ROBO1: variants seen among roughly 807,000 people sequenced by gnomAD.
ROBO1 encodes the protein roundabout guidance receptor 1, also known as roundabout homolog 1.
A neutral mutation model predicts 195.9 loss-of-function variants in ROBO1; 149 were observed. The observed-to-expected ratio is 0.76, with a 90% CI of 0.67 to 0.87. The LOEUF is 0.87. Ranked by LOEUF, ROBO1 falls within the 40% of genes least tolerant of loss-of-function variation. ROBO1 has a pLI of 0.00. For synonymous variants in ROBO1, 816 were observed against 733.2 expected, an observed-to-expected ratio of 1.11 and a Z score of -1.82; for missense variants, 1,933 against 2,068.3, an observed-to-expected ratio of 0.93 and a Z score of 1.27.
chr3:79,608,387 A>C (rs991094251), intron 1 of ROBO1, among the ~76,000 whole-genome samples: 13 of 151,850 alleles, frequency 8.6e-5, no homozygotes, highest in African/African-American at 2.2e-4. Flanking sequence ...GTTCTGTACT[A>C]TCTCTCTCTC....
At chr3:78,717,216 T>G in intron 7 of ROBO1, 59 bp downstream of exon 7, 1 of 1,495,372 alleles carries the variant, frequency 6.7e-7, no homozygotes, top group African/African-American at 1.4e-5. Context: ...GGAGATGATG[T>G]GATGAGAAAC....
intron 2 of ROBO1, among the ~76,000 whole-genome samples, chr3:79,161,631 C>T (rs1391549087): frequency 6.6e-6 from 1 of 152,110 alleles, no homozygotes; most frequent in Non-Finnish European, 1.5e-5. Flanking sequence ...TTGCATTTCA[C>T]ATTTACACCA....
chr3:78,898,885 A>G (rs919477943), intron 4 of ROBO1, among the ~76,000 whole-genome samples: 1 of 152,030 alleles, frequency 6.6e-6, no homozygotes. Flanking sequence ...TTAGTTTGTA[A>G]ACAGAATGAA....
intron 1 of ROBO1, among the ~76,000 whole-genome samples, chr3:79,742,268 A>G (rs1037132104): frequency 2.6e-5 from 4 of 152,204 alleles, no homozygotes; most frequent in African/African-American, 9.6e-5. Flanking sequence ...CCCTCCTGTT[A>G]CAGGCATGGG....
chr3:79,660,277 G>T (rs915384628), intron 1 of ROBO1, among the ~76,000 whole-genome samples: 1 of 151,426 alleles, frequency 6.6e-6, no homozygotes, highest in Non-Finnish European at 1.5e-5. Context: ...TGGAAGTCAC[G>T]ACTAAAATGC....
intron 2 of ROBO1, among the ~76,000 whole-genome samples, chr3:79,324,701 C>T (rs572684854): frequency 6.6e-6 from 1 of 152,248 alleles, no homozygotes; most frequent in African/African-American, 2.4e-5. Flanking sequence ...CAAGAGAGAA[C>T]AGACCAGGTT....
intron 2 of ROBO1, among the ~76,000 whole-genome samples, chr3:79,177,118 AT>A (rs2081272866): frequency 6.6e-6 from 1 of 152,114 alleles, no homozygotes; most frequent in Non-Finnish European, 1.5e-5. Context: ...TTTTTTTAAA[AT>A]TTTTCATTTC....
At chr3:78,826,053 C>G (rs955956024) in intron 4 of ROBO1, among the ~76,000 whole-genome samples, 1 of 152,120 alleles carries the variant, frequency 6.6e-6, no homozygotes, top group Non-Finnish European at 1.5e-5. Flanking sequence ...GGCCACAGAG[C>G]TATAGCATAT....
intron 2 of ROBO1, among the ~76,000 whole-genome samples, chr3:79,433,805 T>C (rs1575820038): frequency 6.6e-6 from 1 of 152,158 alleles, no homozygotes; most frequent in East Asian, 1.9e-4. Context: ...CAAACTATAC[T>C]ACAAGGCTAC....
At chr3:79,008,599 A>AT (rs568148350) in intron 3 of ROBO1, among the ~76,000 whole-genome samples, 3,055 of 148,348 alleles carry the variant, frequency 0.021, 64 homozygotes, top group South Asian at 0.044. Context: ...GTATACGTGC[A>AT]TTTTTTTTTT....
intron 4 of ROBO1, among the ~76,000 whole-genome samples, chr3:78,805,368 AG>A (rs1017808339): frequency 1.1e-4 from 16 of 152,140 alleles, no homozygotes; most frequent in African/African-American, 3.9e-4. Flanking sequence ...CACATGAGAA[AG>A]TCACTAAAAA....
intron 1 of ROBO1, among the ~76,000 whole-genome samples, chr3:79,675,691 A>G (rs1026695110): frequency 6.6e-6 from 1 of 152,082 alleles, no homozygotes; most frequent in African/African-American, 2.4e-5. Flanking sequence ...AAAATGGGGG[A>G]AAAACAGGTT....
chr3:79,006,321 C>G (rs1460456424), intron 3 of ROBO1, among the ~76,000 whole-genome samples: 1 of 151,954 alleles, frequency 6.6e-6, no homozygotes, highest in Non-Finnish European at 1.5e-5. Flanking sequence ...AACTAGTAAC[C>G]ATACAAAGAA....
chr3:78,669,821 C>A (rs548690293), intron 11 of ROBO1, among the ~76,000 whole-genome samples: 3 of 152,326 alleles, frequency 2.0e-5, no homozygotes, highest in South Asian at 2.1e-4. Context: ...TATTCTCTCA[C>A]AAACCCTCAT....
chr3:79,551,423 T>C (rs1942508164), intron 2 of ROBO1, among the ~76,000 whole-genome samples: 1 of 151,876 alleles, frequency 6.6e-6, no homozygotes, highest in African/African-American at 2.4e-5. Context: ...ATATATTTAC[T>C]TTACAGTTAA....
intron 2 of ROBO1, among the ~76,000 whole-genome samples, chr3:79,282,252 T>C (rs1308713998): frequency 6.6e-6 from 1 of 152,140 alleles, no homozygotes; most frequent in Non-Finnish European, 1.5e-5. Flanking sequence ...AAGAACAGTG[T>C]AAAGGACATT....
At chr3:79,211,291 T>G (rs946380081) in intron 2 of ROBO1, among the ~76,000 whole-genome samples, 2 of 152,272 alleles carry the variant, frequency 1.3e-5, no homozygotes, top group Admixed American at 1.3e-4. Context: ...GTTTTTAGAC[T>G]TGAATATATA....
rs1230566914 is a variant in ROBO1 at position 78,627,481 on chromosome 3, G to A, written c.3715C>T (p.Pro1239Ser). ...ELEEEEDERG[P>S]TPPVRGAASS... ...GCTGCTCCCCGAACAGGGGGAGTGG[G>A]GCCTCGTTCATCTTCCTCCTCTTCT... Residue 1239 changes from proline to serine, a missense_variant, in exon 26 of 31, where the codon CCC becomes TCC. Physicochemically the swap from Pro to Ser is moderately conservative, Grantham distance 74. This residue lies in a region of ROBO1 where 1,737 missense variants were observed against 1,882.5 expected (regional missense o/e 0.92). Transcript: ENST00000464233. The A allele has an allele frequency of 9.9e-6, 16 of 1,612,954 alleles. No individual in the cohort carries two copies. The highest frequency in any genetic ancestry group is 1.4e-5 in the Non-Finnish European group (16 of 1,179,604).
Position 78,714,442 on chromosome 3 carries a change from T to C in ROBO1, c.1000A>G (p.Asn334Asp). 6.2e-7 allele frequency: 1 copy of C among 1,613,484 alleles called. No individual in the cohort carries two copies. The highest frequency in any genetic ancestry group is 8.5e-7 in the Non-Finnish European group (1 of 1,179,602). ...DMGSYTCVAE[N>D]MVGKAEASAT... is the part of the protein sequence containing the mutation. ...GATGCTTCAGCTTTGCCCACCATAT[T>C]TTCTGCAACACAAGTGTATGAACCC... Residue 334 changes from asparagine (N) to aspartate (D), a missense_variant, in exon 8 of 31, where the codon AAT (asparagine) becomes GAT (aspartate). This residue lies in a region of ROBO1 where 1,737 missense variants were observed against 1,882.5 expected (regional missense o/e 0.92). Coordinates refer to ENST00000464233, the MANE Select transcript of ROBO1 (RefSeq NM_002941.4).
Sources: gnomAD v4.1 joint callset for allele counts (sites outside exome capture counted in the v4.1 genomes callset) on GRCh38, gnomAD v4.1.1 for gene constraint, gnomAD v4.1.1 regional missense constraint, MANE v1.5 for transcripts, NCBI Gene and HGNC (gene_info 2026-07-23, HGNC 2026-07-21) for gene names.